The following INSR variants were observed in gnomAD, a reference collection of about 807,000 sequenced individuals.
INSR encodes insulin receptor, also known as IR.
Under a neutral mutation model 142.6 loss-of-function variants are expected in INSR, and 67 were observed. The observed-to-expected ratio is 0.47, with a 90% CI of 0.39 to 0.58. The LOEUF (loss-of-function observed/expected upper bound fraction) is 0.58. INSR is among the 20% of genes least tolerant of loss of function. The probability of loss-of-function intolerance (pLI) is 0.00; values close to 1 mark genes in which losing one functional copy is unlikely to be tolerated. For synonymous variants in INSR, 756 were observed against 743.1 expected (o/e 1.02, Z -0.28); for missense variants, 1,248 against 1,833.2 (o/e 0.68, Z 5.83).
At chr19:7,177,536 G>GT (rs1452978170) in intron 3 of INSR, among the ~76,000 whole-genome samples, 5 of 150,866 alleles carry the variant, frequency 3.3e-5, no homozygotes, top group East Asian at 1.9e-4. Flanking sequence ...TTTTGTTTTT[G>GT]TTTTTTTTAA....
chr19:7,262,182 C>A (rs188899304), intron 2 of INSR, among the ~76,000 whole-genome samples: 3 of 152,200 alleles, frequency 2.0e-5, no homozygotes, highest in Admixed American at 1.3e-4. Flanking sequence ...TCAAATAAGC[C>A]TCCTAAGGCT....
intron 21 of INSR, among the ~76,000 whole-genome samples, chr19:7,118,339 A>T (rs1972389567): frequency 6.6e-6 from 1 of 151,780 alleles, no homozygotes. Context: ...TGTTTTTGAG[A>T]CAGAATCTCA....
intron 2 of INSR, among the ~76,000 whole-genome samples, chr19:7,256,903 A>G (rs1022031449): frequency 1.3e-5 from 2 of 148,706 alleles, no homozygotes; most frequent in Admixed American, 6.7e-5. Flanking sequence ...CAAGTGGGCC[A>G]TCATTCACGT....
At chr19:7,194,277 C>G (rs760263921) in intron 2 of INSR, among the ~76,000 whole-genome samples, 1 of 151,844 alleles carries the variant, frequency 6.6e-6, no homozygotes, top group Non-Finnish European at 1.5e-5. Context: ...ATTAGCTGGG[C>G]GTGGTGGTAG....
At chr19:7,182,908 CAAA>C (rs386388474) in intron 3 of INSR, among the ~76,000 whole-genome samples, 1 of 81,288 alleles carries the variant, frequency 1.2e-5, no homozygotes. Context: ...ATACACTGGC[CAAA>C]AAAAAAAAAA....
chr19:7,122,542 T>C, intron 19 of INSR, 72 bp downstream of exon 19: 1 of 1,521,868 alleles, frequency 6.6e-7, no homozygotes, highest in Non-Finnish European at 9.1e-7. Context: ...AACGGCTCAT[T>C]ATAGACAACT....
chr19:7,160,723 C>A (rs1013152768), intron 9 of INSR, among the ~76,000 whole-genome samples: 1 of 151,862 alleles, frequency 6.6e-6, no homozygotes, highest in Non-Finnish European at 1.5e-5. Context: ...TTAGGCTGGG[C>A]GCGGTGGCTC....
intron 2 of INSR, among the ~76,000 whole-genome samples, chr19:7,190,831 A>G (rs900940283): frequency 2.0e-5 from 3 of 152,182 alleles, no homozygotes; most frequent in African/African-American, 7.2e-5. Context: ...TGCACTGGAC[A>G]TTTCAAAATT....
At chr19:7,260,880 C>CTTTTT (rs10628444) in intron 2 of INSR, among the ~76,000 whole-genome samples, 2 of 144,452 alleles carry the variant, frequency 1.4e-5, no homozygotes, top group Admixed American at 7.0e-5. Flanking sequence ...CAAAGAACTT[C>CTTTTT]TTTTTTTTTT....
rs760728667 is a variant in INSR at position 7,196,783 on chromosome 19, TA to T, written c.653-12147del. On this transcript the variant is annotated intron_variant, in intron 2 of 21. Coordinates refer to ENST00000302850, the MANE Select transcript of INSR (RefSeq NM_000208.4). ...AAAGTTTAAAAACCTTTCCAAAGTT[TA>T]AAAAAAAAATACTCAAGATTTATGA... is the stretch of plus-strand genomic sequence containing the variant. 2.2e-3 allele frequency among the ~76,000 whole-genome samples: 336 copies of T among 150,326 alleles called. 8 individuals are homozygous for T. The East Asian group carries it at 0.041, about 18-fold the overall frequency.
At chr19:7,281,888 G>A (rs1468453206) in intron 1 of INSR, among the ~76,000 whole-genome samples, 1 of 152,086 alleles carries the variant, frequency 6.6e-6, no homozygotes, top group African/African-American at 2.4e-5. Context: ...TACATCAGGG[G>A]CTTTTATATA....
intron 2 of INSR, among the ~76,000 whole-genome samples, chr19:7,241,246 G>A (rs1044395703): frequency 6.1e-5 from 9 of 148,608 alleles, no homozygotes; most frequent in Admixed American, 2.7e-4. Context: ...TGGTGTGATC[G>A]TAGCTCACTG....
At chr19:7,253,560 G>A (rs1479165595) in intron 2 of INSR, among the ~76,000 whole-genome samples, 1 of 152,094 alleles carries the variant, frequency 6.6e-6, no homozygotes, top group Non-Finnish European at 1.5e-5. Flanking sequence ...ATCATGCTAA[G>A]TCCAGTGTGT....
At chr19:7,281,586 C>T (rs184913123) in intron 1 of INSR, among the ~76,000 whole-genome samples, 14 of 152,020 alleles carry the variant, frequency 9.2e-5, no homozygotes, top group African/African-American at 3.1e-4. Context: ...GAGGAGGAAG[C>T]GCGAGAATCA....
intron 10 of INSR, among the ~76,000 whole-genome samples, chr19:7,151,182 TTCTTTCTTTC>T (rs1973343914): frequency 3.1e-5 from 1 of 32,312 alleles, no homozygotes; most frequent in Admixed American, 3.5e-4. Context: ...CTTTCTTTCT[TTCTTTCTTTC>T]TTTCTTTCTT....
chr19:7,222,127 T>TAACA (rs1555755030), intron 2 of INSR, among the ~76,000 whole-genome samples: 1 of 126,320 alleles, frequency 7.9e-6, no homozygotes, highest in East Asian at 2.2e-4. Flanking sequence ...ATGTCCTCGG[T>TAACA]AAAAAAAAAA....
chr19:7,170,589 C>T lies in INSR; in HGVS notation c.1431G>A (p.Gly477=). 2 of 1,613,658 alleles carry T rather than the reference C, an allele frequency of 1.2e-6. No homozygotes were observed. The highest frequency in any genetic ancestry group is 2.2e-5 in the South Asian group (2 of 91,058). ...GGGCAATGTCGTTTCTCTCCTGGCG[C>T]CCCTTGGTTCCTGAAACTTCTTCCA... The part of the protein sequence containing the change: ...HKMEEVSGTK[G]RQERNDIALK... Residue 477 remains glycine (G), a synonymous_variant, in exon 6 of 22, where the codon GGG becomes GGA. Coordinates refer to ENST00000302850, the MANE Select transcript of INSR (RefSeq NM_000208.4).
intron 2 of INSR, among the ~76,000 whole-genome samples, chr19:7,229,332 A>ATGGATAGATAGATG (rs1568204425): frequency 1.2e-5 from 1 of 81,902 alleles, no homozygotes; most frequent in Admixed American, 1.4e-4. Flanking sequence ...ATGGATGGAT[A>ATGGATAGATAGATG]GATGGATGGA....
intron 1 of INSR, among the ~76,000 whole-genome samples, chr19:7,288,823 C>G (rs117606276): frequency 0.037 from 5,613 of 151,676 alleles, 125 homozygotes; most frequent in Non-Finnish European, 0.057. Flanking sequence ...ACTAGCCAGG[C>G]GGGGTGGCAC....
Sources: allele counts gnomAD v4.1 joint callset (sites outside exome capture counted in the v4.1 genomes callset), GRCh38; gene constraint gnomAD v4.1.1; transcripts MANE v1.5; gene names NCBI Gene and HGNC (gene_info 2026-07-23, HGNC 2026-07-21).